VPS33A: variants seen among roughly 807,000 people sequenced by gnomAD.
The protein encoded by VPS33A is VPS33A core subunit of CORVET and HOPS complexes.
VPS33A carries 32 observed loss-of-function variants against 71.8 expected under a neutral mutation model. The observed-to-expected ratio is 0.45, with a 90% CI of 0.34 to 0.60. The LOEUF (loss-of-function observed/expected upper bound fraction) is 0.60, where lower values mean the gene tolerates loss of function less well. Ranked by LOEUF, VPS33A falls within the 20% of genes least tolerant of loss-of-function variation. The pLI, the probability that VPS33A is intolerant of heterozygous loss-of-function variation, is 0.02. For synonymous variants in VPS33A, 311 were observed against 292.7 expected, an observed-to-expected ratio of 1.06 and a Z score of -0.64; for missense variants, 625 against 748.5, an observed-to-expected ratio of 0.84 and a Z score of 1.92.
At chr12:122,232,644 C>T (rs112845242) in intron 12 of VPS33A, among the ~76,000 whole-genome samples, 156 bp downstream of exon 12, 21 of 152,178 alleles carry the variant, frequency 1.4e-4, no homozygotes, top group Admixed American at 4.6e-4. Context: ...GGGAATAATC[C>T]GATTCGAGTT....
In VPS33A at chr12:122,232,843, G is replaced by C; in HGVS notation, c.1566C>G (p.His522Gln). 1 of 1,614,104 alleles carries C rather than the reference G, an allele frequency of 6.2e-7. No homozygotes were observed. Among genetic ancestry groups the C allele is most frequent in the Non-Finnish European group, 8.5e-7 (1 of 1,179,984 alleles). The change falls in exon 12 of 13, where the codon CAC becomes CAG. Residue 522 changes from histidine to glutamine, a missense_variant. Coordinates refer to ENST00000267199, the MANE Select transcript of VPS33A (RefSeq NM_022916.6). ...EEVLRILPGP[H>Q]FEERQPLPTG... ...TGGGCAGTGGCTGCCGCTCCTCAAA[G>C]TGGGGCCCTGGGAGGATGCGGAGGA...
intron 1 of VPS33A, 56 bp from the exon 2 acceptor site, chr12:122,264,255 T>C: frequency 7.4e-7 from 1 of 1,354,452 alleles, no homozygotes; most frequent in South Asian, 1.7e-5. Context: ...ATTTTAACAA[T>C]ACCAATAAAA....
intron 4 of VPS33A, among the ~76,000 whole-genome samples, chr12:122,257,426 C>CA (rs35763135): frequency 0.011 from 678 of 64,470 alleles, 6 homozygotes; most frequent in Middle Eastern, 0.038. Flanking sequence ...GACTCTGCCT[C>CA]AAAAAAAAAA....
chr12:122,250,275 T>G (rs1365584392), intron 5 of VPS33A: 2 of 483,776 alleles, frequency 4.1e-6, no homozygotes. Flanking sequence ...GGTCAGTCTA[T>G]TCTTGTGATT....
chr12:122,259,191 A>ATGTG (rs1021140568), intron 4 of VPS33A, among the ~76,000 whole-genome samples: 17 of 91,450 alleles, frequency 1.9e-4, no homozygotes. Flanking sequence ...GTATGTGTGT[A>ATGTG]TGTATGTATG....
chr12:122,240,268 C>G (rs943396474), intron 8 of VPS33A, among the ~76,000 whole-genome samples: 1 of 152,090 alleles, frequency 6.6e-6, no homozygotes, highest in Non-Finnish European at 1.5e-5. Context: ...GCGGAGGTTA[C>G]AGTGAGCCAA....
At position 122,249,934 on chromosome 12, in the gene VPS33A, T is replaced by A. The variant is rs1164851351; in HGVS notation, c.712A>T (p.Thr238Ser). 2 of 1,614,092 alleles carry A rather than the reference T, an allele frequency of 1.2e-6. No individual in the cohort carries two copies. Among genetic ancestry groups the A allele is most frequent in the Non-Finnish European group, 1.7e-6 (2 of 1,180,016 alleles). Residue 238 changes from threonine (T) to serine (S), a missense_variant, in exon 6 of 13, where the codon ACA becomes TCA. Physicochemically the swap from Thr to Ser is moderately conservative, Grantham distance 58. Coordinates refer to ENST00000267199, the MANE Select transcript of VPS33A (RefSeq NM_022916.6). ...LLLDRNVDLLTPLATQLTYEG... is the reference protein window; with the variant it reads ...LLLDRNVDLLSPLATQLTYEG... ...TATGTCAGCTGAGTGGCAAGAGGTG[T>A]TAATAAATCCACATTCCGATCAAGC...
intron 4 of VPS33A, among the ~76,000 whole-genome samples, chr12:122,253,954 C>T (rs1374235374): frequency 4.6e-5 from 7 of 152,102 alleles, no homozygotes; most frequent in Non-Finnish European, 1.0e-4. Flanking sequence ...CTGCCTTGGC[C>T]GCCCAAAGTG....
Position 122,249,788 on chromosome 12 carries a change from G to C in VPS33A, c.775+83C>G. ...ATCTCTGACTTTAAATTATGCTTAA[G>C]TGTGCAATATACAAACAGTAGCCTC... On this transcript the variant is annotated intron_variant, in intron 6 of 12. Transcript: ENST00000267199. The C allele has an allele frequency of 3.9e-6, 5 of 1,280,316 alleles. No individual in the cohort carries two copies. The South Asian group carries it at 7.6e-5, about 20-fold the overall frequency. The allele number at this position is 1,280,316 out of a possible 1,614,324, so 79.3% of individuals were successfully genotyped here. A position where few individuals can be genotyped will look rare whatever the true frequency, so the allele number is the denominator to read the frequency against.
chr12:122,243,728 C>T (rs889744057), intron 7 of VPS33A, among the ~76,000 whole-genome samples: 6 of 152,046 alleles, frequency 3.9e-5, no homozygotes, highest in African/African-American at 7.2e-5. Context: ...GCCTGGGCAA[C>T]GCAGGAAGTC....
intron 4 of VPS33A, among the ~76,000 whole-genome samples, chr12:122,259,230 T>TATGTATGC: frequency 6.7e-6 from 1 of 150,266 alleles, no homozygotes; most frequent in South Asian, 2.1e-4. Context: ...TGTATGTATG[T>TATGTATGC]ATTTTTGAGA....
intron 2 of VPS33A, among the ~76,000 whole-genome samples, 159 bp from the exon 3 acceptor site, chr12:122,263,858 A>C (rs962830001): frequency 2.0e-5 from 3 of 152,208 alleles, no homozygotes; most frequent in Non-Finnish European, 4.4e-5. Flanking sequence ...ACAAAGTTTC[A>C]GTAGAAAGCC....
chr12:122,242,332 G>A (rs1454642977), intron 8 of VPS33A, 50 bp downstream of exon 8: 4 of 1,591,918 alleles, frequency 2.5e-6, no homozygotes, highest in Non-Finnish European at 3.4e-6. Flanking sequence ...GTCAAACGTT[G>A]TATGTGCAAG....
intron 4 of VPS33A, among the ~76,000 whole-genome samples, chr12:122,259,885 A>T (rs899499738): frequency 4.0e-5 from 6 of 151,502 alleles, no homozygotes; most frequent in Admixed American, 1.3e-4. Context: ...AAAAGAAATT[A>T]AAAAAAAATT....
chr12:122,261,778 G>A (rs566171605), intron 3 of VPS33A, among the ~76,000 whole-genome samples: 13 of 152,172 alleles, frequency 8.5e-5, no homozygotes, highest in Non-Finnish European at 1.5e-4. Flanking sequence ...CGAGGCGAGC[G>A]GATCACGAGA....
intron 8 of VPS33A, among the ~76,000 whole-genome samples, chr12:122,241,315 C>A (rs1212962183): frequency 6.6e-6 from 1 of 151,668 alleles, no homozygotes; most frequent in Non-Finnish European, 1.5e-5. Context: ...TTCTTTCTTT[C>A]GTTATTTCGA....
At chr12:122,264,243 G>A in intron 1 of VPS33A, 44 bp from the exon 2 acceptor site, 1 of 1,407,128 alleles carries the variant, frequency 7.1e-7, no homozygotes, top group Non-Finnish European at 9.6e-7. Context: ...TTAATATCAG[G>A]AATTTTAACA....
intron 2 of VPS33A, among the ~76,000 whole-genome samples, 179 bp from the exon 3 acceptor site, chr12:122,263,878 G>A (rs1955032240): frequency 6.6e-6 from 1 of 152,136 alleles, no homozygotes; most frequent in East Asian, 1.9e-4. Flanking sequence ...CACTGTTACT[G>A]CATCAGCATT....
intron 4 of VPS33A, chr12:122,253,333 T>A (rs1414032172): frequency 6.6e-6 from 1 of 152,206 alleles, no homozygotes; most frequent in Non-Finnish European, 1.5e-5. Flanking sequence ...GCGGGGAGGA[T>A]CATGAGGTCG....
Sources: gnomAD v4.1 joint callset for allele counts (sites outside exome capture counted in the v4.1 genomes callset) on GRCh38, gnomAD v4.1.1 for gene constraint, MANE v1.5 for transcripts, NCBI Gene and HGNC (gene_info 2026-07-23, HGNC 2026-07-21) for gene names.